OSBPL10: variants seen among roughly 807,000 people sequenced by gnomAD.
The protein encoded by OSBPL10 is oxysterol binding protein like 10, also known as oxysterol-binding protein-related protein 10.
In OSBPL10, 49 loss-of-function variants were observed where a neutral mutation model predicts 81.7. That is an observed-to-expected ratio of 0.60 (90% CI 0.48 to 0.76). OSBPL10 has a LOEUF of 0.76. Ranked by LOEUF, OSBPL10 falls within the 30% of genes least tolerant of loss-of-function variation. The pLI is 0.00. For missense variants in OSBPL10, 923 were observed against 987.8 expected (o/e 0.93, Z 0.88); for synonymous variants, 419 against 383.6 (o/e 1.09, Z -1.08).
chr3:31,861,404 A>T (rs1243064530), intron 3 of OSBPL10, among the ~76,000 whole-genome samples: 2 of 152,200 alleles, frequency 1.3e-5, no homozygotes, highest in Non-Finnish European at 2.9e-5. Flanking sequence ...CTATGTAAAC[A>T]GTTATTTGTA....
At chr3:32,047,949 G>T (rs923561319) in intron 1 of OSBPL10, among the ~76,000 whole-genome samples, 1 of 152,100 alleles carries the variant, frequency 6.6e-6, no homozygotes, top group African/African-American at 2.4e-5. Flanking sequence ...ACAGGCATAA[G>T]CCACCACGCC....
intron 7 of OSBPL10, among the ~76,000 whole-genome samples, chr3:31,698,815 G>A (rs1163060832): frequency 6.6e-6 from 1 of 152,154 alleles, no homozygotes; most frequent in African/African-American, 2.4e-5. Context: ...GTTTACCTAA[G>A]AGGGACCCCC....
chr3:31,846,589 G>A lies in OSBPL10; in HGVS notation c.538-16358C>T, dbSNP rs184426049. On this transcript the variant is annotated intron_variant, in intron 3 of 11. Coordinates refer to ENST00000396556, the MANE Select transcript of OSBPL10 (RefSeq NM_017784.5). ...GGAGGTTGCAGTGAGCCAAGATCACGCCATTGCACTCCAGCCTGGGCAACA... is the reference window on the plus strand; with the variant it reads ...GGAGGTTGCAGTGAGCCAAGATCACACCATTGCACTCCAGCCTGGGCAACA... 4.7e-3 allele frequency among the ~76,000 whole-genome samples: 721 copies of A among 152,040 alleles called. 8 individuals are homozygous for A. Among genetic ancestry groups the A allele is most frequent in the African/African-American group, 0.016 (681 of 41,438 alleles).
At chr3:31,662,895 C>G (rs1348820342) in intron 11 of OSBPL10, 1 of 985,328 alleles carries the variant, frequency 1.0e-6, no homozygotes, top group Non-Finnish European at 1.2e-6. Flanking sequence ...TTTTACCTCA[C>G]CTGGGCAGGG....
intron 4 of OSBPL10, among the ~76,000 whole-genome samples, chr3:31,760,675 T>C: frequency 6.6e-6 from 1 of 152,270 alleles, no homozygotes; most frequent in Non-Finnish European, 1.5e-5. Context: ...GGGCTGACTG[T>C]ATGCCCTTTT....
rs547310121 is a variant in OSBPL10 at position 31,726,903 on chromosome 3, GTGTGATCACAGCCCAC to G, written c.1095+6338_1095+6353del. On this transcript the variant is annotated intron_variant, in intron 6 of 11. Transcript: ENST00000396556. Reference sequence around the variant, plus strand: ...CTGTCACCAAGGTTCAAATGCAGTGGTGTGATCACAGCCCACTGCAGCTTCAACCTCCCAGGCTCAA... The same window carrying G: ...CTGTCACCAAGGTTCAAATGCAGTGGTGCAGCTTCAACCTCCCAGGCTCAA... 2.0e-3 allele frequency among the ~76,000 whole-genome samples: 297 copies of G among 151,906 alleles called. 3 individuals carry two copies. The highest frequency in any genetic ancestry group is 6.6e-3 in the African/African-American group (275 of 41,420).
intron 1 of OSBPL10, among the ~76,000 whole-genome samples, chr3:31,901,409 T>C (rs771927774): frequency 2.0e-5 from 3 of 152,190 alleles, no homozygotes; most frequent in Non-Finnish European, 4.4e-5. Context: ...ATCTTCCCAA[T>C]GCCCCCACTT....
Position 31,963,235 on chromosome 3 carries a change from C to T in OSBPL10, c.281+17664G>A, listed in dbSNP as rs184554258. Among the ~76,000 whole-genome samples, 293 of 152,118 alleles carry T rather than the reference C, an allele frequency of 1.9e-3. 1 individual carries two copies. Among genetic ancestry groups the T allele is most frequent in the Non-Finnish European group, 2.1e-3 (140 of 67,988 alleles). On this transcript the variant is annotated intron_variant, in intron 1 of 11. Coordinates refer to ENST00000396556, the MANE Select transcript of OSBPL10 (RefSeq NM_017784.5). Reference sequence around the variant, plus strand: ...TCCTTCCTTCCTTTCCTCCCCTCCACCCACATCCATCCATCTCCCTCCCTT... The same window carrying T: ...TCCTTCCTTCCTTTCCTCCCCTCCATCCACATCCATCCATCTCCCTCCCTT...
At chr3:31,869,249 C>G (rs1701259256) in intron 3 of OSBPL10, among the ~76,000 whole-genome samples, 1 of 152,220 alleles carries the variant, frequency 6.6e-6, no homozygotes, top group African/African-American at 2.4e-5. Context: ...AGCAGGTATG[C>G]TCAATACATC....
intron 1 of OSBPL10, among the ~76,000 whole-genome samples, chr3:31,967,233 G>GT (rs905469213): frequency 2.2e-4 from 33 of 152,208 alleles, no homozygotes; most frequent in African/African-American, 7.2e-4. Flanking sequence ...GCCACTCCAG[G>GT]TTTTTTGTTT....
chr3:31,989,183 TG>T (rs747089134), intron 2 of OSBPL10: 2 of 1,614,086 alleles, frequency 1.2e-6, no homozygotes, highest in Non-Finnish European at 1.7e-6. Context: ...GAATTCTCTT[TG>T]GAGGAGTGGA....
chr3:31,751,013 A>G (rs1048563069), intron 4 of OSBPL10, among the ~76,000 whole-genome samples: 1 of 152,124 alleles, frequency 6.6e-6, no homozygotes, highest in Non-Finnish European at 1.5e-5. Flanking sequence ...AGCTCTCTAA[A>G]AAAGCATTCA....
intron 1 of OSBPL10, among the ~76,000 whole-genome samples, chr3:31,976,229 A>G (rs1337689505): frequency 6.6e-6 from 1 of 152,208 alleles, no homozygotes; most frequent in Non-Finnish European, 1.5e-5. Flanking sequence ...AATAATAGCT[A>G]CCACTTCTTG....
intron 2 of OSBPL10, among the ~76,000 whole-genome samples, chr3:32,013,632 T>C (rs569318614): frequency 6.6e-6 from 1 of 152,240 alleles, no homozygotes; most frequent in East Asian, 1.9e-4. Flanking sequence ...CAAAAAACCC[T>C]TCAAAAATTC....
intron 4 of OSBPL10, among the ~76,000 whole-genome samples, chr3:31,808,992 A>G (rs1336480994): frequency 6.6e-6 from 1 of 152,212 alleles, no homozygotes; most frequent in African/African-American, 2.4e-5. Flanking sequence ...AAACACATAC[A>G]TCCATATGTA....
chr3:32,030,854 G>A (rs1699459774), intron 2 of OSBPL10, among the ~76,000 whole-genome samples: 1 of 152,068 alleles, frequency 6.6e-6, no homozygotes, highest in Admixed American at 6.6e-5. Flanking sequence ...TTTTGACAAG[G>A]GAAATAGAAA....
intron 2 of OSBPL10, among the ~76,000 whole-genome samples, chr3:32,010,151 T>G (rs1699239941): frequency 6.6e-6 from 1 of 151,926 alleles, no homozygotes; most frequent in Non-Finnish European, 1.5e-5. Flanking sequence ...TTTTTTTTTT[T>G]TTAAGAGGAA....
At chr3:31,730,562 G>A (rs1696944444) in intron 6 of OSBPL10, among the ~76,000 whole-genome samples, 2 of 152,202 alleles carry the variant, frequency 1.3e-5, no homozygotes, top group South Asian at 2.1e-4. Context: ...TTTCATTATA[G>A]AAGAATATTT....
chr3:31,716,394 T>G (rs75100082), intron 6 of OSBPL10, among the ~76,000 whole-genome samples: 2,355 of 152,324 alleles, frequency 0.015, 37 homozygotes, highest in South Asian at 0.036. Flanking sequence ...TTTTTCATCC[T>G]GTATAGCAAA....
Sources: gnomAD v4.1 joint callset for allele counts (sites outside exome capture counted in the v4.1 genomes callset) on GRCh38, gnomAD v4.1.1 for gene constraint, MANE v1.5 for transcripts, NCBI Gene and HGNC (gene_info 2026-07-23, HGNC 2026-07-21) for gene names.